Variants in NAALADL2 observed in about 807,000 individuals in gnomAD.
The protein encoded by NAALADL2 is N-acetylated alpha-linked acidic dipeptidase like 2, also known as inactive N-acetylated-alpha-linked acidic dipeptidase-like protein 2.
Under a neutral mutation model 87.2 loss-of-function variants are expected in NAALADL2, and 76 were observed. The ratio of observed to expected loss-of-function variants is 0.87; its 90% CI spans 0.72 to 1.05. NAALADL2 has a LOEUF of 1.05. Among genes scored for constraint, NAALADL2 ranks in the 50% least tolerant of loss-of-function variants. NAALADL2 has a pLI of 0.00. For missense variants in NAALADL2, 1,089 were observed against 945.8 expected, an observed-to-expected ratio of 1.15 and a Z score of -1.99; for synonymous variants, 354 against 331.0, an observed-to-expected ratio of 1.07 and a Z score of -0.75.
At chr3:175,385,262 A>G (rs1192211470) in intron 5 of NAALADL2, among the ~76,000 whole-genome samples, 12 of 152,168 alleles carry the variant, frequency 7.9e-5, no homozygotes, top group Non-Finnish European at 1.5e-5. Flanking sequence ...ATGTCTCCCA[A>G]TTTACCCCAA....
intron 2 of NAALADL2, among the ~76,000 whole-genome samples, chr3:175,150,377 T>C (rs1731371459): frequency 6.6e-6 from 1 of 152,174 alleles, no homozygotes; most frequent in Non-Finnish European, 1.5e-5. Flanking sequence ...TTTCTTAGCT[T>C]TGTTTATCTC....
intron 10 of NAALADL2, chr3:175,609,484 T>A (rs976089255): frequency 2.0e-5 from 3 of 152,264 alleles, no homozygotes; most frequent in Admixed American, 6.5e-5. Context: ...TAGTTAGCTT[T>A]GTGCAGTGGC....
chr3:174,515,043 A>T (rs1719858180), intron 1 of NAALADL2, among the ~76,000 whole-genome samples: 1 of 152,200 alleles, frequency 6.6e-6, no homozygotes, highest in Non-Finnish European at 1.5e-5. Flanking sequence ...TATTTCAGAA[A>T]CGAAACAAAG....
intron 1 of NAALADL2, among the ~76,000 whole-genome samples, chr3:174,909,730 G>A (rs533869599): frequency 5.3e-5 from 8 of 152,028 alleles, no homozygotes; most frequent in East Asian, 1.9e-4. Flanking sequence ...TGTATAAAAC[G>A]AACTCTAAAA....
Position 175,542,272 on chromosome 3 carries a change from G to A in NAALADL2, c.1654-33769G>A, listed in dbSNP as rs186761946. Among the ~76,000 whole-genome samples, 4 of 152,226 alleles carry A rather than the reference G, an allele frequency of 2.6e-5. No individual in the cohort carries two copies. The East Asian group carries it at 5.8e-4, about 22-fold the overall frequency. ...TTTCTAGACACAGGAAGATAACTTG[G>A]TATATTTTGTGGAAAATGAGCACAT... On this transcript the variant is annotated intron_variant, in intron 9 of 13. Transcript: ENST00000454872.
At chr3:175,241,973 TGCCTCA>T (rs1242379167) in intron 3 of NAALADL2, among the ~76,000 whole-genome samples, 1 of 150,590 alleles carries the variant, frequency 6.6e-6, no homozygotes, top group East Asian at 2.0e-4. Flanking sequence ...GTGATTCTCT[TGCCTCA>T]GCCTCCCAAG....
chr3:175,787,517 C>CT (rs1369313817), intron 13 of NAALADL2, among the ~76,000 whole-genome samples: 1 of 152,198 alleles, frequency 6.6e-6, no homozygotes, highest in Non-Finnish European at 1.5e-5. Flanking sequence ...GGAAAGGGAA[C>CT]TCCCTGACCC....
chr3:175,101,251 A>G (rs1191212212), intron 2 of NAALADL2, among the ~76,000 whole-genome samples: 1 of 152,164 alleles, frequency 6.6e-6, no homozygotes. Context: ...GCTAATTGCT[A>G]TATTCTCCAA....
intron 3 of NAALADL2, among the ~76,000 whole-genome samples, chr3:174,821,915 T>C (rs748143344): frequency 2.0e-5 from 3 of 152,130 alleles, no homozygotes; most frequent in Non-Finnish European, 4.4e-5. Flanking sequence ...AGGGGTTTGG[T>C]AAGGAAAAAT....
At chr3:175,582,983 T>C (rs1719996547) in intron 10 of NAALADL2, among the ~76,000 whole-genome samples, 1 of 150,896 alleles carries the variant, frequency 6.6e-6, no homozygotes, top group Admixed American at 6.6e-5. Context: ...TTCTCAAATC[T>C]ATACAGATGC....
intron 3 of NAALADL2, among the ~76,000 whole-genome samples, chr3:174,796,167 G>A (rs1207468927): frequency 6.6e-6 from 1 of 152,158 alleles, no homozygotes; most frequent in Non-Finnish European, 1.5e-5. Context: ...CAAGAGAGAA[G>A]CAGACATCTG....
intron 4 of NAALADL2, 129 bp downstream of exon 4, chr3:175,256,659 G>C: frequency 1.3e-4 from 90 of 706,990 alleles, no homozygotes; most frequent in Non-Finnish European, 1.7e-4. Context: ...GGGAGAGGAA[G>C]AAAGAGAGGC....
At chr3:175,383,359 C>T (rs950852827) in intron 5 of NAALADL2, among the ~76,000 whole-genome samples, 11 of 151,846 alleles carry the variant, frequency 7.2e-5, no homozygotes, top group African/African-American at 1.4e-4. Context: ...TATATCTATA[C>T]GTTATGGAAT....
intron 11 of NAALADL2, among the ~76,000 whole-genome samples, chr3:175,685,970 C>T (rs1736236916): frequency 6.6e-6 from 1 of 152,152 alleles, no homozygotes; most frequent in Admixed American, 6.5e-5. Context: ...GTGACCCAGT[C>T]AATTTGACAC....
At chr3:174,798,870 T>C (rs1481556575) in intron 3 of NAALADL2, among the ~76,000 whole-genome samples, 1 of 152,078 alleles carries the variant, frequency 6.6e-6, no homozygotes, top group Non-Finnish European at 1.5e-5. Context: ...CATATGCAAA[T>C]ACCAATTATT....
intron 3 of NAALADL2, among the ~76,000 whole-genome samples, chr3:175,250,786 T>A (rs983808753): frequency 6.6e-6 from 1 of 152,232 alleles, no homozygotes; most frequent in South Asian, 2.1e-4. Context: ...TAGGATATTA[T>A]ATGCAATGTT....
intron 2 of NAALADL2, among the ~76,000 whole-genome samples, chr3:175,200,646 A>G (rs562203469): frequency 4.1e-4 from 62 of 152,280 alleles, no homozygotes; most frequent in African/African-American, 1.4e-3. Context: ...TGAGACATGA[A>G]AGCTAATGAC....
chr3:175,016,540 T>G (rs1750847769), intron 1 of NAALADL2, among the ~76,000 whole-genome samples: 1 of 151,566 alleles, frequency 6.6e-6, no homozygotes, highest in African/African-American at 2.4e-5. Context: ...CTGAGGTTTC[T>G]TTTGGTCTTT....
intron 1 of NAALADL2, among the ~76,000 whole-genome samples, chr3:175,024,615 A>G (rs1028955970): frequency 2.2e-4 from 33 of 152,142 alleles, no homozygotes; most frequent in African/African-American, 7.7e-4. Flanking sequence ...ATATTATTGT[A>G]TGCATTATAG....
Sources: allele counts gnomAD v4.1 joint callset (sites outside exome capture counted in the v4.1 genomes callset), GRCh38; gene constraint gnomAD v4.1.1; transcripts MANE v1.5; gene names NCBI Gene and HGNC (gene_info 2026-07-23, HGNC 2026-07-21).